The following ANXA4 variants were observed in gnomAD, a reference collection of about 807,000 sequenced individuals.
ANXA4 encodes the protein annexin A4, also known as 35-beta calcimedin.
A neutral mutation model predicts 49.8 loss-of-function variants in ANXA4; 39 were observed. That is an observed-to-expected ratio of 0.78 (90% CI 0.61 to 1.02). ANXA4 has a LOEUF of 1.02. Ranked by LOEUF, ANXA4 falls within the 50% of genes least tolerant of loss-of-function variation. The pLI is 0.00. For missense variants in ANXA4, 360 were observed against 410.1 expected (o/e 0.88, Z 1.05); for synonymous variants, 134 against 152.5 (o/e 0.88, Z 0.89).
At chr2:69,738,027 T>C (rs1438853187), upstream of ANXA4, among the ~76,000 whole-genome samples, 1 of 152,158 alleles carries the variant, frequency 6.6e-6, no homozygotes, top group African/African-American at 2.4e-5. Context: ...CAATGAATAA[T>C]TTTTAGTATA....
intron 2 of ANXA4, among the ~76,000 whole-genome samples, chr2:69,656,235 ATATACGTATATATATG>A (rs1412780014): frequency 1.6e-5 from 2 of 122,032 alleles, no homozygotes; most frequent in East Asian, 6.7e-4. Context: ...ATATGTATAT[ATATACGTATATATATG>A]TATATACGTA....
intron 2 of ANXA4, among the ~76,000 whole-genome samples, chr2:69,684,783 A>G (rs1241684889): frequency 1.3e-5 from 2 of 152,094 alleles, no homozygotes; most frequent in Non-Finnish European, 2.9e-5. Context: ...AGAGATCTTC[A>G]ATTCTCTTCT....
rs1479504648 is a variant in ANXA4, at chr2:69,760,732, C to T, written c.-47+18557C>T. ...AGATAAATAAACAAGTTTTTGTGTG[C>T]GTGATTTAAAGAGATAGTCTGACCA... On this transcript the variant is annotated intron_variant, in intron 1 of 12. Coordinates refer to ENST00000394295, the MANE Select transcript of ANXA4 (RefSeq NM_001153.5). 2.6e-5 allele frequency among the ~76,000 whole-genome samples: 4 copies of T among 151,890 alleles called. No individual in the cohort carries two copies. The East Asian group carries it at 5.8e-4, about 22-fold the overall frequency.
intron 3 of ANXA4, among the ~76,000 whole-genome samples, chr2:69,724,754 A>AGAT (rs1365590241): frequency 6.6e-6 from 1 of 150,632 alleles, no homozygotes; most frequent in Non-Finnish European, 1.5e-5. Flanking sequence ...CAAGAAAGAA[A>AGAT]GATAAGCTGG....
At chr2:69,671,344 A>G (rs985672387) in intron 2 of ANXA4, among the ~76,000 whole-genome samples, 3 of 152,224 alleles carry the variant, frequency 2.0e-5, no homozygotes, top group African/African-American at 7.2e-5. Flanking sequence ...CTGAATATGT[A>G]AAGAACTCCT....
intron 2 of ANXA4, among the ~76,000 whole-genome samples, chr2:69,703,845 A>G (rs1407045527): frequency 2.6e-5 from 4 of 152,082 alleles, no homozygotes; most frequent in Non-Finnish European, 5.9e-5. Flanking sequence ...TTAGTGATGG[A>G]GTCTTACTAC....
At chr2:69,794,062 G>C (rs895026604) in intron 3 of ANXA4, among the ~76,000 whole-genome samples, 1 of 152,142 alleles carries the variant, frequency 6.6e-6, no homozygotes, top group East Asian at 1.9e-4. Flanking sequence ...TACCCAGTTT[G>C]CTCCACTTAC....
At chr2:69,788,731 A>G (rs1312543976) in intron 3 of ANXA4, among the ~76,000 whole-genome samples, 1 of 138,620 alleles carries the variant, frequency 7.2e-6, no homozygotes, top group Admixed American at 7.2e-5. Context: ...CCAGCTACTC[A>G]GGAGGCTGAG....
intron 3 of ANXA4, among the ~76,000 whole-genome samples, chr2:69,736,352 G>A (rs1286143362): frequency 6.6e-6 from 1 of 152,148 alleles, no homozygotes; most frequent in African/African-American, 2.4e-5. Flanking sequence ...ACCATTAATA[G>A]TAACACTTCT....
intron 2 of ANXA4, among the ~76,000 whole-genome samples, chr2:69,702,004 TTTTTA>T (rs1176975854): frequency 2.0e-5 from 3 of 152,152 alleles, no homozygotes; most frequent in Non-Finnish European, 4.4e-5. Context: ...TGCTGTTTAC[TTTTTA>T]TTTTATTTAT....
upstream of ANXA4, among the ~76,000 whole-genome samples, chr2:69,738,526 C>G (rs1018226708): frequency 6.6e-6 from 1 of 152,174 alleles, no homozygotes; most frequent in African/African-American, 2.4e-5. Flanking sequence ...CACCCCTCCC[C>G]ACTCAGGGAT....
chr2:69,671,913 G>T (rs572296684), intron 2 of ANXA4, among the ~76,000 whole-genome samples: 7 of 152,278 alleles, frequency 4.6e-5, no homozygotes, highest in African/African-American at 1.7e-4. Context: ...GCAACTGAGA[G>T]TATAAACTGT....
At chr2:69,734,683 G>A (rs760858254) in intron 3 of ANXA4, among the ~76,000 whole-genome samples, 2 of 152,034 alleles carry the variant, frequency 1.3e-5, no homozygotes, top group Non-Finnish European at 2.9e-5. Context: ...GATTCTTTAG[G>A]ACACTAGGCC....
chr2:69,766,113 C>T (rs1009143888), intron 1 of ANXA4, among the ~76,000 whole-genome samples: 8 of 152,184 alleles, frequency 5.3e-5, no homozygotes, highest in Non-Finnish European at 1.2e-4. Context: ...ACCTTACGGA[C>T]TTGGTGACCA....
In ANXA4 at chr2:69,699,052, G is replaced by C. The variant is rs1027401864; in HGVS notation, n.767-21722G>C. Reference sequence around the variant, plus strand: ...TGGATTGAAGGAAAGATTCGGGTGAGGGGGGACAACTGAAGATATGAATCA... The same window carrying C: ...TGGATTGAAGGAAAGATTCGGGTGACGGGGGACAACTGAAGATATGAATCA... On this transcript the variant is annotated intron_variant and non_coding_transcript_variant, in intron 2 of 3. Coordinates refer to the ANXA4 transcript ENST00000418066. Among the ~76,000 whole-genome samples, 10 of 152,170 alleles carry C rather than the reference G, an allele frequency of 6.6e-5. No individual in the cohort carries two copies. The East Asian group carries it at 1.7e-3, about 26-fold the overall frequency.
At chr2:69,690,242 T>G (rs1230477228) in intron 2 of ANXA4, among the ~76,000 whole-genome samples, 1 of 152,146 alleles carries the variant, frequency 6.6e-6, no homozygotes, top group Non-Finnish European at 1.5e-5. Context: ...TTTTTGTTTA[T>G]TTATTTATTT....
rs1377343121 is a variant in ANXA4, at chr2:69,827,041, G to A, written c.*1526G>A. On this transcript the variant is annotated 3_prime_UTR_variant, in exon 13 of 13. Coordinates refer to ENST00000394295, the MANE Select transcript of ANXA4 (RefSeq NM_001153.5). ...GTATGAACTTATTCTCTGGAAATGA[G>A]TGATGCCCTCTGCTCTAAGTAGACC... 1 of 152,138 alleles carries A rather than the reference G, an allele frequency of 6.6e-6. No individual in the cohort carries two copies. Among genetic ancestry groups the A allele is most frequent in the Non-Finnish European group, 1.5e-5 (1 of 68,014 alleles). The allele number at this position is 152,138 out of a possible 1,614,324, so 9.4% of individuals were successfully genotyped here. A position where few individuals can be genotyped will look rare whatever the true frequency, so the allele number is the denominator to read the frequency against.
chr2:69,714,069 C>T (rs1678783558), intron 2 of ANXA4, among the ~76,000 whole-genome samples: 2 of 152,220 alleles, frequency 1.3e-5, no homozygotes, highest in South Asian at 4.1e-4. Flanking sequence ...ACCACAGTGC[C>T]TGGTGGGTGA....
intron 1 of ANXA4, among the ~76,000 whole-genome samples, chr2:69,764,508 A>C (rs1297253338): frequency 6.6e-6 from 1 of 152,190 alleles, no homozygotes; most frequent in Non-Finnish European, 1.5e-5. Flanking sequence ...TAAGTGATGG[A>C]TAACAGCAGC....
Sources: gnomAD v4.1 joint callset for allele counts (sites outside exome capture counted in the v4.1 genomes callset) on GRCh38, gnomAD v4.1.1 for gene constraint, MANE v1.5 for transcripts, NCBI Gene and HGNC (gene_info 2026-07-23, HGNC 2026-07-21) for gene names.